The following COL21A1 variants were observed in gnomAD, a reference collection of about 807,000 sequenced individuals.
COL21A1 encodes the protein collagen type XXI alpha 1 chain.
COL21A1 carries 149 observed loss-of-function variants against 137.9 expected under a neutral mutation model. The ratio of observed to expected loss-of-function variants is 1.08; its 90% CI spans 0.95 to 1.24. The LOEUF is 1.24. Ranked by LOEUF, COL21A1 falls within the 50% of genes most tolerant of loss-of-function variation. COL21A1 has a pLI of 0.00. For synonymous variants in COL21A1, 456 were observed against 391.5 expected, an observed-to-expected ratio of 1.16 and a Z score of -1.95; for missense variants, 1,167 against 1,158.4, an observed-to-expected ratio of 1.01 and a Z score of -0.11.
chr6:56,176,034 G>T (rs576229007), intron 3 of COL21A1, among the ~76,000 whole-genome samples: 2 of 152,012 alleles, frequency 1.3e-5, no homozygotes, highest in African/African-American at 2.4e-5. Context: ...ACGGGGAAAG[G>T]ATCTCTTCAA....
chr6:56,245,516 G>C (rs1255521519), intron 1 of COL21A1, among the ~76,000 whole-genome samples: 2 of 152,194 alleles, frequency 1.3e-5, no homozygotes, highest in Non-Finnish European at 2.9e-5. Flanking sequence ...TGAGGATTAT[G>C]TTGTTTGATG....
intron 1 of COL21A1, among the ~76,000 whole-genome samples, chr6:56,236,298 A>C (rs921703252): frequency 6.6e-6 from 1 of 152,030 alleles, no homozygotes; most frequent in Non-Finnish European, 1.5e-5. Flanking sequence ...TAAAGCCTGG[A>C]AACTCCAGGG....
intron 1 of COL21A1, among the ~76,000 whole-genome samples, chr6:56,301,230 A>G (rs1764272031): frequency 6.6e-6 from 1 of 152,160 alleles, no homozygotes; most frequent in Non-Finnish European, 1.5e-5. Flanking sequence ...TGGATTATCC[A>G]AGTGGGCCCA....
intron 1 of COL21A1, among the ~76,000 whole-genome samples, chr6:56,302,518 A>G (rs1764325100): frequency 6.6e-6 from 1 of 151,956 alleles, no homozygotes; most frequent in Non-Finnish European, 1.5e-5. Context: ...TTGGCTGCAT[A>G]AATGTCTTCT....
intron 24 of COL21A1, among the ~76,000 whole-genome samples, chr6:56,064,080 G>T (rs1454398205): frequency 6.6e-6 from 1 of 152,108 alleles, no homozygotes; most frequent in Non-Finnish European, 1.5e-5. Context: ...CCATCTTACT[G>T]TGTGTCTGTT....
intron 1 of COL21A1, among the ~76,000 whole-genome samples, chr6:56,222,739 A>G (rs1449350799): frequency 6.6e-6 from 1 of 151,574 alleles, no homozygotes; most frequent in Non-Finnish European, 1.5e-5. Flanking sequence ...GTTATCAATC[A>G]GATATCTTTT....
intron 1 of COL21A1, among the ~76,000 whole-genome samples, chr6:56,212,724 C>A (rs536046187): frequency 6.6e-6 from 1 of 152,034 alleles, no homozygotes; most frequent in South Asian, 2.1e-4. Flanking sequence ...ATCATTTTCA[C>A]CTCACTTAAT....
At chr6:56,325,962 AATATATATTATATATT>A (rs70989704) in intron 1 of COL21A1, among the ~76,000 whole-genome samples, 50,275 of 61,922 alleles carry the variant, frequency 0.81, 20,593 homozygotes, top group Non-Finnish European at 0.86. Context: ...TAATATATAT[AATATATATTATATATT>A]ATATAATATA....
intron 17 of COL21A1, 24 bp downstream of exon 17, chr6:56,101,448 G>A: frequency 6.4e-7 from 1 of 1,557,350 alleles, no homozygotes; most frequent in South Asian, 1.2e-5. Context: ...TCATCTTTTA[G>A]AACTGAAATG....
intron 1 of COL21A1, among the ~76,000 whole-genome samples, chr6:56,297,210 C>A (rs528858143): frequency 6.6e-6 from 1 of 152,018 alleles, no homozygotes; most frequent in Non-Finnish European, 1.5e-5. Context: ...AGTTGCCATG[C>A]GCATGAGTTA....
intron 18 of COL21A1, 24 bp from the exon 19 acceptor site, chr6:56,075,556 C>T (rs1767160808): frequency 1.4e-6 from 2 of 1,458,348 alleles, no homozygotes; most frequent in African/African-American, 1.5e-5. Context: ...ACATTAAAAA[C>T]ATTATAAATT....
chr6:56,294,578 C>T (rs1218036840), intron 1 of COL21A1, among the ~76,000 whole-genome samples: 1 of 152,004 alleles, frequency 6.6e-6, no homozygotes, highest in African/African-American at 2.4e-5. Context: ...ACTGATACGG[C>T]AATACTAACG....
chr6:56,138,994 G>A (rs999060512), intron 12 of COL21A1, among the ~76,000 whole-genome samples: 7 of 152,060 alleles, frequency 4.6e-5, no homozygotes, highest in Non-Finnish European at 1.0e-4. Flanking sequence ...GCAAGAGGAG[G>A]CCTGTGGACT....
At chr6:56,311,836 G>A (rs1764623132) in intron 1 of COL21A1, among the ~76,000 whole-genome samples, 1 of 152,160 alleles carries the variant, frequency 6.6e-6, no homozygotes, top group South Asian at 2.1e-4. Flanking sequence ...GCAGAGGGAT[G>A]TTCAAGACTC....
At chr6:56,143,627 C>T (rs1276193486) in intron 10 of COL21A1, among the ~76,000 whole-genome samples, 1 of 152,036 alleles carries the variant, frequency 6.6e-6, no homozygotes, top group Non-Finnish European at 1.5e-5. Context: ...GTGTCTTTGC[C>T]CAATCCTTAA....
intron 29 of COL21A1, 37 bp from the exon 30 acceptor site, chr6:56,057,881 T>G: frequency 7.2e-7 from 1 of 1,391,020 alleles, no homozygotes; most frequent in Non-Finnish European, 9.4e-7. Context: ...AACAGAGGAC[T>G]TTAGTTTTTT....
At chr6:56,215,096 G>T (rs1308264201) in intron 1 of COL21A1, among the ~76,000 whole-genome samples, 1 of 152,016 alleles carries the variant, frequency 6.6e-6, no homozygotes, top group Non-Finnish European at 1.5e-5. Flanking sequence ...TGAGAAATTT[G>T]ACACTTAAAG....
At chr6:56,093,874 G>T (rs1370927431) in intron 17 of COL21A1, among the ~76,000 whole-genome samples, 1 of 152,084 alleles carries the variant, frequency 6.6e-6, no homozygotes, top group Non-Finnish European at 1.5e-5. Context: ...GTTTTTCCTG[G>T]ATAGTCTCAT....
chr6:56,308,226 TG>T (rs1562049262), intron 1 of COL21A1, among the ~76,000 whole-genome samples: 1 of 152,214 alleles, frequency 6.6e-6, no homozygotes, highest in Non-Finnish European at 1.5e-5. Flanking sequence ...AGAAAAAGGC[TG>T]GTAAGAACTA....
Sources: allele counts gnomAD v4.1 joint callset (sites outside exome capture counted in the v4.1 genomes callset), GRCh38; gene constraint gnomAD v4.1.1; transcripts MANE v1.5; gene names NCBI Gene and HGNC (gene_info 2026-07-23, HGNC 2026-07-21).